The following PARVG variants were observed in gnomAD, a reference collection of about 807,000 sequenced individuals.
PARVG encodes parvin gamma, also known as gamma-parvin.
Under a neutral mutation model 44.4 loss-of-function variants are expected in PARVG, and 36 were observed. That is an observed-to-expected ratio of 0.81 (90% CI 0.62 to 1.07). The LOEUF (loss-of-function observed/expected upper bound fraction) is 1.07. Ranked by LOEUF, PARVG falls within the 50% of genes least tolerant of loss-of-function variation. The pLI, the probability that PARVG is intolerant of heterozygous loss-of-function variation, is 0.00. For missense variants in PARVG, 407 were observed against 407.4 expected (o/e 1.00, Z 0.01); for synonymous variants, 170 against 174.1 (o/e 0.98, Z 0.19).
At chr22:44,180,092 G>A (rs539326704), upstream of PARVG, among the ~76,000 whole-genome samples, 2 of 152,308 alleles carry the variant, frequency 1.3e-5, no homozygotes, top group Non-Finnish European at 2.9e-5. Flanking sequence ...CAGGAGGGAG[G>A]AGAGTGAGGC....
rs2054511158 is a variant in PARVG, at chr22:44,188,917, T to A, written c.248-197T>A. On this transcript the variant is annotated intron_variant, in intron 5 of 13. Coordinates refer to ENST00000444313, the MANE Select transcript of PARVG (RefSeq NM_022141.7). ...CATGGCCCACCAATCCTGTTCTGTGTAGATGAGGGTCTCCTGGAAGCTGGA... is the reference window on the plus strand; with the variant it reads ...CATGGCCCACCAATCCTGTTCTGTGAAGATGAGGGTCTCCTGGAAGCTGGA... 3 of 646,698 alleles carry A rather than the reference T, an allele frequency of 4.6e-6. No individual in the cohort carries two copies. The South Asian group carries it at 5.7e-5, about 12-fold the overall frequency. The allele number at this position is 646,698 out of a possible 1,614,324, so 40.1% of individuals were successfully genotyped here. A position where few individuals can be genotyped will look rare whatever the true frequency, so the allele number is the denominator to read the frequency against.
At chr22:44,193,662 C>A in intron 8 of PARVG, 139 bp from the exon 9 acceptor site, 1 of 1,076,688 alleles carries the variant, frequency 9.3e-7, no homozygotes, top group Non-Finnish European at 1.3e-6. Flanking sequence ...GCCCTACCTA[C>A]AAAGCTGCCA....
At chr22:44,198,945 C>CCCACCCACCCGTCCGTCCGTCCGTCCAT (rs1569186454) in intron 12 of PARVG, among the ~76,000 whole-genome samples, 3 of 23,074 alleles carry the variant, frequency 1.3e-4, no homozygotes, top group Admixed American at 5.0e-4. Flanking sequence ...CATCCACCCA[C>CCCACCCACCCGTCCGTCCGTCCGTCCAT]CCATCCATCC....
intron 1 of PARVG, among the ~76,000 whole-genome samples, chr22:44,174,726 A>G (rs917518733): frequency 2.0e-5 from 3 of 151,864 alleles, no homozygotes; most frequent in Admixed American, 1.3e-4. Flanking sequence ...ACAGAGTGAG[A>G]CTCTGCCTCA....
In PARVG at chr22:44,205,807, C is replaced by G; in HGVS notation, c.864C>G (p.Leu288=). ...AGCTGCTGAAGGACGAGGGCCTGCT[C>G]AGCTGCCCTGTCAGCCCTGAAGGTG... The part of the protein sequence containing the change: ...ALELLKDEGL[L]SCPVSPEDIV... The change falls in exon 13 of 14, where the codon CTC becomes CTG. Residue 288 remains leucine (L), a synonymous_variant. Transcript: ENST00000444313. The G allele has an allele frequency of 6.2e-7, 1 of 1,613,424 alleles. No individual in the cohort carries two copies. Among genetic ancestry groups the G allele is most frequent in the African/African-American group, 1.3e-5 (1 of 75,066 alleles).
At chr22:44,190,701 AGCTGAG>A in intron 7 of PARVG, 35 bp downstream of exon 7, 6 of 1,557,094 alleles carry the variant, frequency 3.9e-6, no homozygotes, top group Non-Finnish European at 5.3e-6. Flanking sequence ...TGTAAGCAGA[AGCTGAG>A]CCTCTTGGGC....
rs2054491259 is a variant in PARVG, at chr22:44,187,571, G to C, written c.145-205G>C. The C allele has an allele frequency of 8.2e-6, 5 of 607,842 alleles. No homozygotes were observed. The South Asian group carries it at 9.6e-5, about 12-fold the overall frequency. The allele number at this position is 607,842 out of a possible 1,614,324, so 37.7% of individuals were successfully genotyped here. A position where few individuals can be genotyped will look rare whatever the true frequency, so the allele number is the denominator to read the frequency against. ...CCCCACACTGCTCAGGTTTGTGATG[G>C]AGAGAAGCAGGGAGTCTGCAGGAAC... On this transcript the variant is annotated intron_variant, in intron 4 of 13. Coordinates refer to ENST00000444313, the MANE Select transcript of PARVG (RefSeq NM_022141.7).
At chr22:44,191,839 G>C (rs908511036) in intron 7 of PARVG, among the ~76,000 whole-genome samples, 1 of 152,124 alleles carries the variant, frequency 6.6e-6, no homozygotes, top group Admixed American at 6.5e-5. Context: ...CATGCTCATT[G>C]ATACTGCCCT....
In PARVG at chr22:44,183,124, C is replaced by T. The variant is rs900817921; in HGVS notation, c.-12-194C>T. On this transcript the variant is annotated intron_variant, in intron 2 of 13. Transcript: ENST00000444313. The stretch of plus-strand genomic sequence containing the variant: ...TCAGCTTCTGTGCCTTTTTCTAACC[C>T]GTCACCCCGCAAGGGTTGGCTCAAG... 18 of 530,750 alleles carry T rather than the reference C, an allele frequency of 3.4e-5. No individual in the cohort carries two copies. In the African/African-American group the frequency reaches 3.4e-4, roughly 10 times the overall value. The allele number at this position is 530,750 out of a possible 1,614,324, so 32.9% of individuals were successfully genotyped here.
At position 44,206,420 on chromosome 22, in the gene PARVG, G is replaced by A. The variant is rs191035480; in HGVS notation, c.990G>A (p.Pro330=). 75 of 1,613,858 alleles carry A rather than the reference G, an allele frequency of 4.6e-5. 1 individual carries two copies. In the Admixed American group the frequency reaches 8.2e-4, roughly 18 times the overall value. Residue 330 remains proline, a synonymous_variant, in exon 14 of 14, where the codon CCG becomes CCA. Transcript: ENST00000444313. ...GGGACAGGACGCCCCATGGAGCCCC[G>A]AATTGACCCTCACTGCCTCCAAAGC... is the stretch of plus-strand genomic sequence containing the variant. ...AHRDRTPHGA[P]N
chr22:44,188,887 G>A (rs772881833), intron 5 of PARVG: 3 of 580,786 alleles, frequency 5.2e-6, no homozygotes, highest in Admixed American at 3.0e-5. Flanking sequence ...ACATCATGTG[G>A]CCTGCATGGC....
rs1257979036 is a variant in PARVG, at chr22:44,205,814, C to G, written c.871C>G (p.Pro291Ala). The G allele has an allele frequency of 6.2e-7, 1 of 1,613,334 alleles. No homozygotes were observed. The highest frequency in any genetic ancestry group is 8.5e-7 in the Non-Finnish European group (1 of 1,179,972). ...GAAGGACGAGGGCCTGCTCAGCTGC[C>G]CTGTCAGCCCTGAAGGTGAGTGCAA... is the stretch of plus-strand genomic sequence containing the variant. ...LLKDEGLLSC[P>A]VSPEDIVNKD... The change falls in exon 13 of 14, where the codon CCT becomes GCT. Residue 291 changes from proline to alanine, a missense_variant. Transcript: ENST00000444313.
chr22:44,198,661 T>A lies in PARVG; in HGVS notation c.752T>A (p.Leu251His), dbSNP rs1170989616. The change falls in exon 12 of 14, where the codon CTT becomes CAT. Residue 251 changes from leucine (L) to histidine (H), a missense_variant. Physicochemically the swap from Leu to His is moderately conservative, Grantham distance 99. Transcript: ENST00000444313. ...GVILLLLIGQLEGFFLHLKEF... is the reference protein window; with the variant it reads ...GVILLLLIGQHEGFFLHLKEF... ...ATCTTACTCTTGCTGATTGGACAAC[T>A]TGAAGGCTTCTTCCTGCACTTAAAG... The A allele has an allele frequency of 6.2e-7, 1 of 1,614,006 alleles. No individual in the cohort carries two copies. Among genetic ancestry groups the A allele is most frequent in the South Asian group, 1.1e-5 (1 of 91,082 alleles).
At chr22:44,200,711 C>T (rs986887227) in intron 12 of PARVG, among the ~76,000 whole-genome samples, 1 of 152,198 alleles carries the variant, frequency 6.6e-6, no homozygotes, top group Non-Finnish European at 1.5e-5. Context: ...CAGGGCCAGC[C>T]TCTGGGGCTG....
At chr22:44,199,614 G>A (rs2054678090) in intron 12 of PARVG, among the ~76,000 whole-genome samples, 1 of 152,226 alleles carries the variant, frequency 6.6e-6, no homozygotes. Context: ...AGTGAAACGT[G>A]TTGGTTCAGA....
At chr22:44,196,092 T>C in intron 9 of PARVG, 63 bp from the exon 10 acceptor site, 1 of 1,585,776 alleles carries the variant, frequency 6.3e-7, no homozygotes. Flanking sequence ...AAAAAAAAAA[T>C]TCCCTGTTTG....
rs77202673 is a variant in PARVG at position 44,195,882 on chromosome 22, C to G, written c.584-273C>G. Among the ~76,000 whole-genome samples the G allele has an allele frequency of 5.7e-3, 868 of 152,262 alleles. 4 individuals carry two copies. The highest frequency in any genetic ancestry group is 0.019 in the African/African-American group (800 of 41,542). On this transcript the variant is annotated intron_variant, in intron 9 of 13. Coordinates refer to ENST00000444313, the MANE Select transcript of PARVG (RefSeq NM_022141.7). ...TCCTACTGTGTGCCCAGTCACTGTG[C>G]CATGGGGCCATGTGTGTTATCTGCT...
At chr22:44,205,969 C>T (rs534488254) in intron 13 of PARVG, 140 bp downstream of exon 13, 41 of 1,068,422 alleles carry the variant, frequency 3.8e-5, no homozygotes, top group African/African-American at 1.4e-4. Context: ...GGAGAATGGG[C>T]GCTTGCCAAG....
chr22:44,180,526 G>A (rs1361279769), upstream of PARVG, among the ~76,000 whole-genome samples: 2 of 152,084 alleles, frequency 1.3e-5, no homozygotes, highest in South Asian at 2.1e-4. Context: ...GGTCCTGCAC[G>A]GTGGCTTCTC....
Sources: allele counts gnomAD v4.1 joint callset (sites outside exome capture counted in the v4.1 genomes callset), GRCh38; gene constraint gnomAD v4.1.1; transcripts MANE v1.5; gene names NCBI Gene and HGNC (gene_info 2026-07-23, HGNC 2026-07-21).